The following FILIP1L variants were observed in gnomAD, a reference collection of about 807,000 sequenced individuals.
FILIP1L encodes filamin A-interacting protein 1-like.
A neutral mutation model predicts 96.6 loss-of-function variants in FILIP1L; 55 were observed. That is an observed-to-expected ratio of 0.57 (90% CI 0.46 to 0.71). The LOEUF (loss-of-function observed/expected upper bound fraction) is 0.71. Among genes scored for constraint, FILIP1L ranks in the 30% least tolerant of loss-of-function variants. The pLI is 0.00. For synonymous variants in FILIP1L, 467 were observed against 473.9 expected (o/e 0.99, Z 0.19); for missense variants, 1,304 against 1,321.2 (o/e 0.99, Z 0.20).
chr3:100,082,087 T>G (rs2065941084), intron 1 of FILIP1L, among the ~76,000 whole-genome samples: 1 of 152,234 alleles, frequency 6.6e-6, no homozygotes, highest in South Asian at 2.1e-4. Context: ...AATACTGGCA[T>G]GTTCCTAGAC....
intron 4 of FILIP1L, among the ~76,000 whole-genome samples, chr3:99,864,164 C>G (rs538039880): frequency 2.6e-5 from 4 of 152,220 alleles, no homozygotes; most frequent in African/African-American, 9.6e-5. Context: ...ATAACAACAG[C>G]TTGAGTGTTG....
chr3:100,040,869 T>G (rs2065193105), intron 1 of FILIP1L: 1 of 152,216 alleles, frequency 6.6e-6, no homozygotes, highest in African/African-American at 2.4e-5. Flanking sequence ...AGATGTCCCT[T>G]GAGCCTGGAT....
At chr3:99,916,446 ACACAC>A (rs1706955268) in intron 4 of FILIP1L, among the ~76,000 whole-genome samples, 1 of 61,802 alleles carries the variant, frequency 1.6e-5, no homozygotes, top group African/African-American at 5.4e-5. Context: ...ATACACACAC[ACACAC>A]ACACACACAC....
intron 1 of FILIP1L, among the ~76,000 whole-genome samples, chr3:100,080,379 T>C (rs1161444376): frequency 1.3e-5 from 2 of 152,170 alleles, no homozygotes; most frequent in Admixed American, 1.3e-4. Context: ...ACTATCCCTT[T>C]ACAGAGGGTT....
At chr3:100,006,096 G>T (rs192807462) in intron 1 of FILIP1L, among the ~76,000 whole-genome samples, 2 of 152,108 alleles carry the variant, frequency 1.3e-5, no homozygotes, top group African/African-American at 2.4e-5. Context: ...GCCCTTAGCC[G>T]TAGACCTCTG....
rs527523023 is a variant in FILIP1L, at chr3:99,908,872, T to TTG, written c.605+15356_605+15357dup. Among the ~76,000 whole-genome samples, 448 of 151,216 alleles carry TTG rather than the reference T, an allele frequency of 3.0e-3. 1 individual carries two copies. Among genetic ancestry groups the TTG allele is most frequent in the Non-Finnish European group, 4.5e-3 (305 of 67,666 alleles). On this transcript the variant is annotated intron_variant, in intron 4 of 5. Transcript: ENST00000477258. ...TACCATCTACAAAAAAAAATTCCTATTGTGTGTGTGTGTGTGTTCTTTCTT... is the reference window on the plus strand; with the variant it reads ...TACCATCTACAAAAAAAAATTCCTATTGTGTGTGTGTGTGTGTGTTCTTTCTT...
At chr3:100,112,034 GCA>G (rs2066500203) in intron 1 of FILIP1L, among the ~76,000 whole-genome samples, 2 of 152,124 alleles carry the variant, frequency 1.3e-5, no homozygotes, top group Admixed American at 6.6e-5. Context: ...ACGGGGCCTG[GCA>G]CAGAGTAGGC....
rs1202925483 is a variant in FILIP1L, at chr3:99,914,998, ATTAG to A, written c.605+9228_605+9231del. 2.6e-5 allele frequency among the ~76,000 whole-genome samples: 4 copies of A among 152,328 alleles called. No individual in the cohort carries two copies. In the East Asian group the frequency reaches 5.8e-4, roughly 22 times the overall value. Reference sequence around the variant, plus strand: ...TGAATTGAGTGAGTTGTTTTTAGTGATTAGTTAATGTCTCTGATGTGTTTAATCT... The same window carrying A: ...TGAATTGAGTGAGTTGTTTTTAGTGATTAATGTCTCTGATGTGTTTAATCT... On this transcript the variant is annotated intron_variant, in intron 4 of 5. Transcript: ENST00000477258.
At chr3:99,923,854 T>C (rs961986177) in intron 4 of FILIP1L, among the ~76,000 whole-genome samples, 2 of 152,248 alleles carry the variant, frequency 1.3e-5, no homozygotes, top group African/African-American at 4.8e-5. Flanking sequence ...TGTGAAAAGC[T>C]TGAGTTCCCT....
chr3:100,098,014 T>A (rs2066240764), intron 1 of FILIP1L, among the ~76,000 whole-genome samples: 1 of 152,236 alleles, frequency 6.6e-6, no homozygotes, highest in South Asian at 2.1e-4. Context: ...ATAGTAATGG[T>A]ACGTGCCACA....
intron 4 of FILIP1L, among the ~76,000 whole-genome samples, chr3:99,897,204 C>T (rs1014552788): frequency 6.6e-6 from 1 of 152,010 alleles, no homozygotes; most frequent in African/African-American, 2.4e-5. Context: ...ACTAAAAATA[C>T]AAAAATTAAC....
At chr3:99,929,807 G>A (rs750054358) in intron 3 of FILIP1L, 49 bp downstream of exon 3, 3 of 1,394,846 alleles carry the variant, frequency 2.2e-6, no homozygotes, top group Non-Finnish European at 9.8e-7. Context: ...CATCTGCAGG[G>A]CTAGTGCTTG....
At chr3:100,022,210 A>C (rs2064838706) in intron 1 of FILIP1L, among the ~76,000 whole-genome samples, 1 of 152,190 alleles carries the variant, frequency 6.6e-6, no homozygotes, top group Non-Finnish European at 1.5e-5. Flanking sequence ...ATGCAATTGC[A>C]GTAGCATTGA....
At chr3:100,055,934 A>G (rs2065457058) in intron 1 of FILIP1L, among the ~76,000 whole-genome samples, 1 of 152,128 alleles carries the variant, frequency 6.6e-6, no homozygotes, top group African/African-American at 2.4e-5. Flanking sequence ...TTCTGATAGG[A>G]TAGATTGTAT....
chr3:99,905,337 C>A (rs1359124484), intron 4 of FILIP1L, among the ~76,000 whole-genome samples: 1 of 152,184 alleles, frequency 6.6e-6, no homozygotes, highest in Non-Finnish European at 1.5e-5. Flanking sequence ...AGATATCTCA[C>A]CAGTTCCTCA....
intron 1 of FILIP1L, among the ~76,000 whole-genome samples, chr3:100,024,373 C>T (rs1045337338): frequency 1.3e-5 from 2 of 152,054 alleles, no homozygotes; most frequent in African/African-American, 4.8e-5. Flanking sequence ...TAAATTTTGG[C>T]CCCTATAGAG....
At chr3:99,953,785 G>A (rs1245063488) in intron 1 of FILIP1L, among the ~76,000 whole-genome samples, 1 of 152,168 alleles carries the variant, frequency 6.6e-6, no homozygotes, top group East Asian at 1.9e-4. Context: ...TGCCCAAACA[G>A]TCCACATAGG....
intron 4 of FILIP1L, among the ~76,000 whole-genome samples, chr3:99,866,446 A>ACTGACTT (rs1944526890): frequency 6.6e-6 from 1 of 152,188 alleles, no homozygotes; most frequent in African/African-American, 2.4e-5. Context: ...TTTTACTGTG[A>ACTGACTT]CTACTGAAGT....
chr3:100,043,442 C>T (rs1051845891), intron 1 of FILIP1L, among the ~76,000 whole-genome samples: 1 of 152,066 alleles, frequency 6.6e-6, no homozygotes, highest in African/African-American at 2.4e-5. Flanking sequence ...TCTCTTTTCC[C>T]TCATCCATAC....
Sources: allele counts gnomAD v4.1 joint callset (sites outside exome capture counted in the v4.1 genomes callset), GRCh38; gene constraint gnomAD v4.1.1; transcripts MANE v1.5; gene names NCBI Gene and HGNC (gene_info 2026-07-23, HGNC 2026-07-21).